RBM19: variants seen among roughly 807,000 people sequenced by gnomAD.
RBM19 encodes probable RNA-binding protein 19.
In RBM19, 94 loss-of-function variants were observed where a neutral mutation model predicts 116.8. The observed-to-expected ratio is 0.80, with a 90% CI of 0.68 to 0.95. RBM19 has a LOEUF of 0.95. RBM19 is among the 40% of genes least tolerant of loss of function. The pLI is 0.00. For synonymous variants in RBM19, 475 were observed against 494.1 expected (o/e 0.96, Z 0.51); for missense variants, 1,161 against 1,220.7 (o/e 0.95, Z 0.73).
At chr12:113,894,533 C>A (rs936469485) in intron 21 of RBM19, among the ~76,000 whole-genome samples, 1 of 152,148 alleles carries the variant, frequency 6.6e-6, no homozygotes, top group Non-Finnish European at 1.5e-5. Context: ...GCTTTGGTTG[C>A]TAGGGAGCTC....
intron 19 of RBM19, among the ~76,000 whole-genome samples, chr12:113,920,106 A>C (rs1868398069): frequency 1.3e-5 from 2 of 152,068 alleles, no homozygotes; most frequent in Non-Finnish European, 2.9e-5. Context: ...GACCCTCTGC[A>C]CATGGTCCCT....
intron 22 of RBM19, among the ~76,000 whole-genome samples, chr12:113,845,761 T>G (rs1876910766): frequency 1.3e-5 from 2 of 152,266 alleles, no homozygotes; most frequent in South Asian, 4.1e-4. Context: ...AGGGACGCCC[T>G]AACTTGATGG....
intron 19 of RBM19, 60 bp downstream of exon 19, chr12:113,920,551 G>A (rs752303105): frequency 2.6e-5 from 38 of 1,443,470 alleles, no homozygotes; most frequent in Non-Finnish European, 3.5e-5. Flanking sequence ...GAGGGCTGAC[G>A]GGACCTCCCA....
chr12:113,926,539 G>A (rs541165592), intron 17 of RBM19, among the ~76,000 whole-genome samples: 6 of 152,140 alleles, frequency 3.9e-5, no homozygotes, highest in East Asian at 3.9e-4. Flanking sequence ...AGAAGCCCCC[G>A]GCCCTCACTC....
intron 12 of RBM19, 44 bp downstream of exon 12, chr12:113,946,310 G>C: frequency 6.2e-7 from 1 of 1,613,414 alleles, no homozygotes; most frequent in Non-Finnish European, 8.5e-7. Context: ...GAGGGTGGCA[G>C]AGGGTTGGGG....
At chr12:113,843,452 T>A (rs1358788392) in intron 23 of RBM19, among the ~76,000 whole-genome samples, 1 of 152,138 alleles carries the variant, frequency 6.6e-6, no homozygotes, top group Non-Finnish European at 1.5e-5. Context: ...CAGAGCACCA[T>A]GGGTGGCACC....
chr12:113,964,152 T>C (rs1261632594), intron 1 of RBM19, among the ~76,000 whole-genome samples: 1 of 152,224 alleles, frequency 6.6e-6, no homozygotes, highest in Non-Finnish European at 1.5e-5. Flanking sequence ...TCACAAGTAC[T>C]CACTACTAAT....
intron 20 of RBM19, among the ~76,000 whole-genome samples, 200 bp downstream of exon 20, chr12:113,918,192 G>A (rs1392618603): frequency 6.6e-6 from 1 of 151,942 alleles, no homozygotes; most frequent in East Asian, 1.9e-4. Context: ...GACTAACACT[G>A]TTGTAGTTCA....
chr12:113,872,340 T>A (rs1457785447), intron 21 of RBM19, among the ~76,000 whole-genome samples: 1 of 148,994 alleles, frequency 6.7e-6, no homozygotes, highest in Admixed American at 6.6e-5. Context: ...AGCCGCCCCG[T>A]CTGAGAAGTG....
At chr12:113,930,368 T>C (rs1175960545) in intron 16 of RBM19, among the ~76,000 whole-genome samples, 2 of 152,218 alleles carry the variant, frequency 1.3e-5, no homozygotes, top group African/African-American at 4.8e-5. Flanking sequence ...CTATGAGCAG[T>C]GGCTGGTGTG....
At chr12:113,886,523 G>T (rs1455845610) in intron 21 of RBM19, among the ~76,000 whole-genome samples, 2 of 152,156 alleles carry the variant, frequency 1.3e-5, no homozygotes, top group South Asian at 2.1e-4. Flanking sequence ...ATCACATAAA[G>T]TAATGCATGA....
At chr12:113,882,992 T>G (rs561843880) in intron 21 of RBM19, among the ~76,000 whole-genome samples, 2 of 151,056 alleles carry the variant, frequency 1.3e-5, no homozygotes, top group Non-Finnish European at 2.9e-5. Context: ...CTTGAAAAAA[T>G]TGCCAAGCCT....
intron 19 of RBM19, among the ~76,000 whole-genome samples, chr12:113,920,329 C>A (rs1194568906): frequency 6.6e-6 from 1 of 152,182 alleles, no homozygotes; most frequent in Non-Finnish European, 1.5e-5. Context: ...AAAGAGGGGC[C>A]CACGTGAGCA....
At chr12:113,919,416 G>A (rs1368750926) in intron 19 of RBM19, among the ~76,000 whole-genome samples, 4 of 152,058 alleles carry the variant, frequency 2.6e-5, no homozygotes, top group Non-Finnish European at 5.9e-5. Flanking sequence ...CTAAAAATAC[G>A]AAAAATTAGC....
chr12:113,957,818 T>A lies in RBM19; in HGVS notation c.804A>T (p.Pro268=). 6.2e-7 allele frequency: 1 copy of A among 1,607,586 alleles called. No homozygotes were observed. The highest frequency in any genetic ancestry group is 8.5e-7 in the Non-Finnish European group (1 of 1,176,186). The stretch of plus-strand genomic sequence containing the variant: ...CCTCCGGTGGTCTCTTTTTCCCAGC[T>A]GGCATCCCTTGCTCTTGGCCTGCAC... The part of the protein sequence containing the change: ...SKGAGQEQGM[P]AGKKRPPEAR... Residue 268 remains proline, a synonymous_variant, in exon 6 of 24, where the codon CCA becomes CCT. Transcript: ENST00000261741.
chr12:113,882,513 C>T (rs546703190), intron 21 of RBM19, among the ~76,000 whole-genome samples: 1 of 152,344 alleles, frequency 6.6e-6, no homozygotes, highest in South Asian at 2.1e-4. Context: ...GCTCTAGGCT[C>T]ATAGTAAAAG....
At chr12:113,946,284 T>C in intron 12 of RBM19, 70 bp downstream of exon 12, 2 of 1,608,276 alleles carry the variant, frequency 1.2e-6, no homozygotes, top group Non-Finnish European at 1.7e-6. Context: ...CCCAGGTGGC[T>C]TAGAAAGGGC....
At position 113,898,171 on chromosome 12, in the gene RBM19, G is replaced by A. The variant is rs1881463775; in HGVS notation, c.2558+16798C>T. Among the ~76,000 whole-genome samples the A allele has an allele frequency of 6.6e-6, 1 of 151,890 alleles. No individual in the cohort carries two copies. Among genetic ancestry groups the A allele is most frequent in the African/African-American group, 2.4e-5 (1 of 41,312 alleles). On this transcript the variant is annotated intron_variant, in intron 21 of 23. Transcript: ENST00000261741. The surrounding 1 kb of genome is among the most constrained non-coding windows in gnomAD (Gnocchi z 4.3). ...TCTGCTGCCTCTCGGATACATTTGG[G>A]CATATATACCTGTGCATGTGTGTTG...
At chr12:113,854,862 G>A (rs549305986) in intron 22 of RBM19, among the ~76,000 whole-genome samples, 21 of 152,330 alleles carry the variant, frequency 1.4e-4, no homozygotes, top group African/African-American at 3.6e-4. Flanking sequence ...TCTCCCACCC[G>A]ATGCTGGAGC....
Sources: allele counts gnomAD v4.1 joint callset (sites outside exome capture counted in the v4.1 genomes callset), GRCh38; gene constraint gnomAD v4.1.1; non-coding constraint Gnocchi (gnomAD v3.1); transcripts MANE v1.5; gene names NCBI Gene and HGNC (gene_info 2026-07-23, HGNC 2026-07-21).